Variants in PTPN20 observed in about 807,000 individuals in gnomAD.
PTPN20 encodes the protein protein tyrosine phosphatase non-receptor type 20.
PTPN20 carries 9 observed loss-of-function variants against 35.0 expected under a neutral mutation model. The observed-to-expected ratio is 0.26, with a 90% CI of 0.15 to 0.45. The LOEUF is 0.45. Among genes scored for constraint, PTPN20 ranks in the 20% least tolerant of loss-of-function variants. The probability of loss-of-function intolerance (pLI) is 1.00; values close to 1 mark genes in which losing one functional copy is unlikely to be tolerated. For synonymous variants in PTPN20, 32 were observed against 100.2 expected, an observed-to-expected ratio of 0.32 and a Z score of 4.06; for missense variants, 111 against 312.5, an observed-to-expected ratio of 0.36 and a Z score of 4.86.
chr10:46,993,047 A>G (rs895829664), intron 9 of PTPN20, among the ~76,000 whole-genome samples: 1 of 152,174 alleles, frequency 6.6e-6, no homozygotes, highest in Non-Finnish European at 1.5e-5. Context: ...TGGATTTCAC[A>G]GGCAGTGTAT....
chr10:46,982,005 C>CTTCCTG (rs1199549104), intron 7 of PTPN20, among the ~76,000 whole-genome samples: 1 of 85,804 alleles, frequency 1.2e-5, no homozygotes, highest in Non-Finnish European at 2.3e-5. Context: ...ATAATTTTTG[C>CTTCCTG]TTCCTGTTCC....
rs1283486950 is a variant in PTPN20, at chr10:46,976,636, G to A, written c.584-7594G>A. On this transcript the variant is annotated intron_variant, in intron 7 of 10. Coordinates refer to ENST00000374339, the MANE Select transcript of PTPN20 (RefSeq NM_001042357.5). Reference sequence around the variant, plus strand: ...TCCTGGAATTAAATAATGTTACCAGGTATGCTTCATTTCCATCATTCTTAC... The same window carrying A: ...TCCTGGAATTAAATAATGTTACCAGATATGCTTCATTTCCATCATTCTTAC... Among the ~76,000 whole-genome samples, 9 of 137,832 alleles carry A rather than the reference G, an allele frequency of 6.5e-5. No homozygotes were observed. In the East Asian group the frequency reaches 1.4e-3, roughly 22 times the overall value. The allele number at this position is 137,832 out of a possible 152,430, so 90.4% of individuals were successfully genotyped here.
chr10:46,935,314 T>G (rs1382216083), intron 2 of PTPN20, among the ~76,000 whole-genome samples: 10 of 140,590 alleles, frequency 7.1e-5, no homozygotes, highest in South Asian at 4.6e-4. Flanking sequence ...CTGTTTTTTT[T>G]TTTTTTTTTT....
intron 2 of PTPN20, among the ~76,000 whole-genome samples, chr10:46,938,425 G>A (rs1205259881): frequency 2.5e-5 from 1 of 40,082 alleles, no homozygotes; most frequent in Non-Finnish European, 4.4e-5. Context: ...TATCCTCAAC[G>A]CCCCCTGTAT....
chr10:46,949,065 T>C (rs1170448630), intron 5 of PTPN20, among the ~76,000 whole-genome samples: 13 of 151,672 alleles, frequency 8.6e-5, no homozygotes, highest in African/African-American at 2.4e-4. Context: ...TATACACTTA[T>C]ACAAAGCAGG....
At chr10:46,992,354 C>T (rs1172689185) in intron 9 of PTPN20, among the ~76,000 whole-genome samples, 2 of 151,920 alleles carry the variant, frequency 1.3e-5, no homozygotes. Flanking sequence ...AACTCCTGGC[C>T]CCAAGAGATC....
intron 9 of PTPN20, among the ~76,000 whole-genome samples, chr10:46,988,959 C>A (rs1206352402): frequency 1.4e-5 from 2 of 143,112 alleles, no homozygotes; most frequent in Non-Finnish European, 3.0e-5. Context: ...ACTTTGTATC[C>A]TGCAACTGTA....
chr10:46,948,109 C>G (rs2045549411), intron 5 of PTPN20, among the ~76,000 whole-genome samples: 1 of 151,970 alleles, frequency 6.6e-6, no homozygotes. Context: ...TTCTGTCAAC[C>G]TTTCTTCAAG....
In PTPN20 at chr10:46,926,673, AGC is replaced by A. The variant is rs2037519971; in HGVS notation, c.-123-5703_-123-5702del. On this transcript the variant is annotated intron_variant, in intron 1 of 10. Transcript: ENST00000374339. ...TTGGATAGAAGGATTCATGGGGTTC[AGC>A]AGGTAGTCACATTCATGGCTAAGAT... Among the ~76,000 whole-genome samples, 16 of 151,426 alleles carry A rather than the reference AGC, an allele frequency of 1.1e-4. No individual in the cohort carries two copies. In the South Asian group the frequency reaches 3.3e-3, roughly 32 times the overall value.
chr10:46,941,709 G>C (rs1253196325), intron 3 of PTPN20, among the ~76,000 whole-genome samples: 1 of 151,140 alleles, frequency 6.6e-6, no homozygotes, highest in Non-Finnish European at 1.5e-5. Context: ...TTGCTTGTTT[G>C]TTTGTTTGTT....
At chr10:46,937,424 G>A (rs1432123659) in intron 2 of PTPN20, among the ~76,000 whole-genome samples, 2 of 152,142 alleles carry the variant, frequency 1.3e-5, no homozygotes, top group African/African-American at 2.4e-5. Context: ...TTTTCATCTA[G>A]TTTGGTAACA....
intron 9 of PTPN20, among the ~76,000 whole-genome samples, chr10:46,995,553 G>A (rs1409261610): frequency 6.6e-6 from 1 of 152,118 alleles, no homozygotes; most frequent in Admixed American, 6.5e-5. Flanking sequence ...GCAATGTGGT[G>A]CTACTAAACA....
chr10:46,954,156 G>A (rs1165918920), intron 5 of PTPN20, among the ~76,000 whole-genome samples: 1 of 114,452 alleles, frequency 8.7e-6, no homozygotes, highest in African/African-American at 4.3e-5. Flanking sequence ...AGTTCTGTGG[G>A]CTAGCAGTCA....
chr10:47,000,894 G>A lies in PTPN20; in HGVS notation c.*153G>A. ...TTTTCTTTCTAAAAGCTCCCTGAAG[G>A]GCAATATCATTTGGCTTGGGGTGAT... is the stretch of plus-strand genomic sequence containing the variant. On this transcript the variant is annotated 3_prime_UTR_variant, in exon 11 of 11. Transcript: ENST00000374339. 1.1e-6 allele frequency: 1 copy of A among 921,474 alleles called. No individual in the cohort carries two copies. The highest frequency in any genetic ancestry group is 1.9e-5 in the Admixed American group (1 of 51,416). 57.1% of individuals were successfully genotyped at this position (921,474 alleles called of 1,614,324 possible).
intron 2 of PTPN20, among the ~76,000 whole-genome samples, chr10:46,937,094 A>G (rs1469493860): frequency 1.3e-5 from 2 of 150,038 alleles, no homozygotes; most frequent in Non-Finnish European, 3.0e-5. Context: ...GCTGGATATA[A>G]TCTTAGTTTT....
rs1353597965 is a variant in PTPN20, at chr10:46,911,568, G to A, written c.-124+67G>A. 2.4e-3 allele frequency: 499 copies of A among 205,964 alleles called. 1 individual carries two copies. Among genetic ancestry groups the A allele is most frequent in the African/African-American group, 0.014 (472 of 33,170 alleles). 12.8% of individuals were successfully genotyped at this position (205,964 alleles called of 1,614,324 possible). On this transcript the variant is annotated intron_variant, in intron 1 of 10. Coordinates refer to ENST00000374339, the MANE Select transcript of PTPN20 (RefSeq NM_001042357.5). ...CGGGAGGCCGCTGCGCCGGGCTGTG[G>A]GAGGGCGGGCGTGAAGAAGGAAGAT...
downstream of PTPN20, chr10:47,002,460 G>A (rs2060117377): frequency 6.6e-6 from 1 of 151,830 alleles, no homozygotes; most frequent in East Asian, 1.9e-4. Context: ...TAGTTTTCCA[G>A]GGAAATTAAA....
chr10:46,940,893 A>T (rs1555134690), intron 3 of PTPN20, among the ~76,000 whole-genome samples, 176 bp downstream of exon 3: 1 of 151,834 alleles, frequency 6.6e-6, no homozygotes, highest in Non-Finnish European at 1.5e-5. Flanking sequence ...ATTTTTTGCA[A>T]AGTTTCTAAT....
chr10:46,948,026 A>G (rs1395104197), intron 5 of PTPN20: 4 of 432,700 alleles, frequency 9.2e-6, no homozygotes, highest in Non-Finnish European at 1.4e-5. Context: ...AAGAAGCTGT[A>G]CTAACATTAT....
Sources: allele counts gnomAD v4.1 joint callset (sites outside exome capture counted in the v4.1 genomes callset), GRCh38; gene constraint gnomAD v4.1.1; transcripts MANE v1.5; gene names NCBI Gene and HGNC (gene_info 2026-07-23, HGNC 2026-07-21).